The following LRRC31 variants were observed in gnomAD, a reference collection of about 807,000 sequenced individuals.
LRRC31 encodes leucine rich repeat containing 31, also known as leucine-rich repeat-containing protein 31.
In LRRC31, 35 loss-of-function variants were observed where a neutral mutation model predicts 46.7. The ratio of observed to expected loss-of-function variants is 0.75; its 90% CI spans 0.57 to 0.99. The LOEUF (loss-of-function observed/expected upper bound fraction) is 0.99. Ranked by LOEUF, LRRC31 falls within the 50% of genes least tolerant of loss-of-function variation. The probability of loss-of-function intolerance (pLI) is 0.00; values close to 1 mark genes in which losing one functional copy is unlikely to be tolerated. For missense variants in LRRC31, 613 were observed against 626.1 expected (o/e 0.98, Z 0.22); for synonymous variants, 236 against 235.1 (o/e 1.00, Z -0.03).
rs202206239 is a variant in LRRC31 at position 169,856,752 on chromosome 3, A to C, written c.608T>G (p.Ile203Ser). ...CGTGAGGGAGCAATCCACAAGCTCA[A>C]TCATTTGTATCTTGCTCCCTTTTTG... ...KFQKGSKIQMIELVDCSLTSE... is the reference protein window; with the variant it reads ...KFQKGSKIQMSELVDCSLTSE... The change falls in exon 4 of 9, where the codon ATT becomes AGT. Residue 203 changes from isoleucine to serine, a missense_variant. Transcript: ENST00000316428. 1.9e-6 allele frequency: 3 copies of C among 1,607,384 alleles called. No homozygotes were observed. Among genetic ancestry groups the C allele is most frequent in the Non-Finnish European group, 2.5e-6 (3 of 1,176,914 alleles).
At chr3:169,842,511 C>T (rs1780482429) in intron 8 of LRRC31, among the ~76,000 whole-genome samples, 1 of 151,952 alleles carries the variant, frequency 6.6e-6, no homozygotes, top group Non-Finnish European at 1.5e-5. Flanking sequence ...CCACCATGCC[C>T]AGCTAATTTG....
intron 8 of LRRC31, among the ~76,000 whole-genome samples, chr3:169,847,139 T>C (rs955624560): frequency 1.2e-4 from 18 of 152,192 alleles, no homozygotes; most frequent in Admixed American, 9.8e-4. Context: ...CTCTGATTCA[T>C]TGTTTTATAA....
intron 5 of LRRC31, among the ~76,000 whole-genome samples, chr3:169,855,601 A>C (rs1179571633): frequency 6.6e-6 from 1 of 152,186 alleles, no homozygotes; most frequent in African/African-American, 2.4e-5. Context: ...ACACAATATC[A>C]TTTCCTATTC....
Position 169,839,442 on chromosome 3 carries a change from C to T in LRRC31, c.*540G>A, listed in dbSNP as rs1780380873. On this transcript the variant is annotated 3_prime_UTR_variant, in exon 9 of 9. Transcript: ENST00000316428. ...GAAAGGTACACTTTCTGATAAAAAC[C>T]TACATAGACTACATTAAGATACATA... 1 of 151,894 alleles carries T rather than the reference C, an allele frequency of 6.6e-6. No homozygotes were observed. The highest frequency in any genetic ancestry group is 1.5e-5 in the Non-Finnish European group (1 of 67,982). The allele number at this position is 151,894 out of a possible 1,614,324, so 9.4% of individuals were successfully genotyped here.
chr3:169,853,187 C>T (rs1209353398), intron 6 of LRRC31: 11 of 983,354 alleles, frequency 1.1e-5, no homozygotes, highest in African/African-American at 8.7e-5. Flanking sequence ...GCCCCTGGCA[C>T]GGTGCCCCAC....
chr3:169,856,699 A>C lies in LRRC31; in HGVS notation c.655+6T>G. On this transcript the variant is annotated splice_donor_region_variant and intron_variant, in intron 4 of 8. Coordinates refer to ENST00000316428, the MANE Select transcript of LRRC31 (RefSeq NM_024727.4). ...CTTTTTTTTTTTCTCTTCAAATTCC[A>C]CTTACCCAGAAATGTCCCATCTTCT... 6.5e-7 allele frequency: 1 copy of C among 1,548,214 alleles called. No individual in the cohort carries two copies. Among genetic ancestry groups the C allele is most frequent in the Non-Finnish European group, 8.7e-7 (1 of 1,147,544 alleles).
intron 8 of LRRC31, among the ~76,000 whole-genome samples, chr3:169,842,348 C>T (rs1271646038): frequency 6.6e-6 from 1 of 151,868 alleles, no homozygotes; most frequent in Non-Finnish European, 1.5e-5. Context: ...TTTTTTGTTG[C>T]TGTTGTTGTT....
chr3:169,856,644 A>T, intron 4 of LRRC31, 61 bp downstream of exon 4: 1 of 1,480,102 alleles, frequency 6.8e-7, no homozygotes, highest in Non-Finnish European at 9.0e-7. Context: ...AACACAGCAA[A>T]CTTCCCAAGC....
chr3:169,869,923 C>T lies in LRRC31; in HGVS notation c.-116G>A, dbSNP rs372071525. 19 of 888,588 alleles carry T rather than the reference C, an allele frequency of 2.1e-5. No homozygotes were observed. In the African/African-American group the frequency reaches 3.2e-4, roughly 15 times the overall value. 55.0% of individuals were successfully genotyped at this position (888,588 alleles called of 1,614,324 possible). On this transcript the variant is annotated 5_prime_UTR_variant, in exon 1 of 9. Transcript: ENST00000316428. ...AGCCTGTGTTCAATCAAAATATCCT[C>T]CCCTACATGACTGCCCCCCACTCCC...
intron 3 of LRRC31, among the ~76,000 whole-genome samples, chr3:169,859,370 G>GTTTC (rs1781078328): frequency 6.6e-6 from 1 of 152,090 alleles, no homozygotes; most frequent in East Asian, 1.9e-4. Context: ...GATGTGTAAT[G>GTTTC]TTTCTCCTCA....
At chr3:169,848,780 A>G (rs1018797086) in intron 7 of LRRC31, among the ~76,000 whole-genome samples, 1 of 152,162 alleles carries the variant, frequency 6.6e-6, no homozygotes, top group Non-Finnish European at 1.5e-5. Flanking sequence ...ATTTGGGGAA[A>G]TATTGGAAAC....
rs756977629 is a variant in LRRC31, at chr3:169,856,770, C to T, written c.590G>A (p.Gly197Glu). 1.2e-5 allele frequency: 20 copies of T among 1,609,060 alleles called. No individual in the cohort carries two copies. In the Admixed American group the frequency reaches 3.2e-4, roughly 26 times the overall value. Residue 197 changes from glycine (G) to glutamate (E), a missense_variant, in exon 4 of 9, where the codon GGG becomes GAG. Transcript: ENST00000316428. ...AAGCTCAATCATTTGTATCTTGCTC[C>T]CTTTTTGGAACTTCTGAAGGATCAG... ...LPLILQKFQKGSKIQMIELVD... is the reference protein window; with the variant it reads ...LPLILQKFQKESKIQMIELVD...
At chr3:169,862,930 T>C (rs568471056) in intron 1 of LRRC31, among the ~76,000 whole-genome samples, 16 of 151,434 alleles carry the variant, frequency 1.1e-4, no homozygotes, top group Non-Finnish European at 1.8e-4. Flanking sequence ...TCACCCAGGT[T>C]AGAGTGCAGT....
At chr3:169,863,999 C>CGTG (rs1183918237) in intron 1 of LRRC31, among the ~76,000 whole-genome samples, 1 of 131,460 alleles carries the variant, frequency 7.6e-6, no homozygotes, top group Non-Finnish European at 1.6e-5. Flanking sequence ...GTTCCAAAGC[C>CGTG]TAGTGTGTGT....
chr3:169,849,569 G>T (rs1386607142), intron 7 of LRRC31, among the ~76,000 whole-genome samples: 2 of 152,216 alleles, frequency 1.3e-5, no homozygotes, highest in African/African-American at 4.8e-5. Context: ...TACTGAGGAG[G>T]CTGAGATGGC....
At chr3:169,842,284 T>C (rs1489683227) in intron 8 of LRRC31, among the ~76,000 whole-genome samples, 1 of 152,188 alleles carries the variant, frequency 6.6e-6, no homozygotes, top group Non-Finnish European at 1.5e-5. Context: ...TTAATGTTTC[T>C]ATTAGAAAAA....
At chr3:169,862,186 A>G (rs1781187426) in intron 1 of LRRC31, among the ~76,000 whole-genome samples, 1 of 152,216 alleles carries the variant, frequency 6.6e-6, no homozygotes. Context: ...CTAGGGAGGA[A>G]GCAGAGATAC....
Position 169,869,754 on chromosome 3 carries a change from A to G in LRRC31, c.54T>C (p.Thr18=), listed in dbSNP as rs1377087406. The G allele has an allele frequency of 1.9e-6, 3 of 1,613,028 alleles. No homozygotes were observed. Among genetic ancestry groups the G allele is most frequent in the Non-Finnish European group, 2.5e-6 (3 of 1,179,756 alleles). Residue 18 remains threonine, a synonymous_variant, in exon 1 of 9, where the codon ACT becomes ACC. Coordinates refer to ENST00000316428, the MANE Select transcript of LRRC31 (RefSeq NM_024727.4). Reference sequence around the variant, plus strand: ...CCCTGAGAAATTTGTTGACAGTTGAAGTCTGGGGCTTAGTTTCTCCTTCTG... The same window carrying G: ...CCCTGAGAAATTTGTTGACAGTTGAGGTCTGGGGCTTAGTTTCTCCTTCTG... ...TSSEGETKPQ[T]STVNKFLRGS...
intron 7 of LRRC31, among the ~76,000 whole-genome samples, chr3:169,848,802 A>C (rs1372203408): frequency 6.6e-6 from 1 of 152,216 alleles, no homozygotes; most frequent in East Asian, 1.9e-4. Context: ...TTAGCAATGC[A>C]AAACTTGATA....
Sources: allele counts gnomAD v4.1 joint callset (sites outside exome capture counted in the v4.1 genomes callset), GRCh38; gene constraint gnomAD v4.1.1; transcripts MANE v1.5; gene names NCBI Gene and HGNC (gene_info 2026-07-23, HGNC 2026-07-21).